Variants in SLC12A1 observed in about 807,000 individuals in gnomAD.
SLC12A1 encodes Na-K-2Cl cotransporter.
Under a neutral mutation model 130.4 loss-of-function variants are expected in SLC12A1, and 89 were observed. That is an observed-to-expected ratio of 0.68 (90% CI 0.58 to 0.81). The LOEUF is 0.81. Ranked by LOEUF, SLC12A1 falls within the 40% of genes least tolerant of loss-of-function variation. The pLI, the probability that SLC12A1 is intolerant of heterozygous loss-of-function variation, is 0.00. For synonymous variants in SLC12A1, 499 were observed against 460.0 expected (o/e 1.08, Z -1.09); for missense variants, 1,310 against 1,336.4 (o/e 0.98, Z 0.31).
At chr15:48,234,331 T>G (rs985415059) in intron 8 of SLC12A1, among the ~76,000 whole-genome samples, 2 of 152,194 alleles carry the variant, frequency 1.3e-5, no homozygotes, top group Admixed American at 6.5e-5. Context: ...CAAAAATTGA[T>G]TTTTCAGAGC....
intron 2 of SLC12A1, among the ~76,000 whole-genome samples, chr15:48,216,453 A>C (rs1263887372): frequency 6.6e-6 from 1 of 152,214 alleles, no homozygotes; most frequent in Non-Finnish European, 1.5e-5. Context: ...GGAGTTTATC[A>C]GCTAGCAGAG....
At chr15:48,272,730 TA>T (rs1413469170) in intron 19 of SLC12A1, among the ~76,000 whole-genome samples, 1 of 152,132 alleles carries the variant, frequency 6.6e-6, no homozygotes, top group Non-Finnish European at 1.5e-5. Context: ...CCCAGCCAAG[TA>T]TGGTTTAATT....
chr15:48,242,862 T>G (rs2041533495), intron 10 of SLC12A1, among the ~76,000 whole-genome samples: 1 of 152,192 alleles, frequency 6.6e-6, no homozygotes, highest in Admixed American at 6.5e-5. Flanking sequence ...TAGTTACATG[T>G]AAAGAGATTT....
At chr15:48,231,544 C>G (rs531076199) in intron 7 of SLC12A1, among the ~76,000 whole-genome samples, 4 of 151,816 alleles carry the variant, frequency 2.6e-5, no homozygotes, top group East Asian at 1.9e-4. Flanking sequence ...ATCTCTGCAG[C>G]CTTTAGTAAA....
chr15:48,264,527 TA>T (rs1394585162), intron 17 of SLC12A1, among the ~76,000 whole-genome samples: 2 of 152,212 alleles, frequency 1.3e-5, no homozygotes, highest in South Asian at 2.1e-4. Flanking sequence ...AGATGCATCT[TA>T]TTTTTTTTAT....
At chr15:48,230,996 A>G (rs2041369328) in intron 7 of SLC12A1, among the ~76,000 whole-genome samples, 1 of 152,240 alleles carries the variant, frequency 6.6e-6, no homozygotes, top group African/African-American at 2.4e-5. Flanking sequence ...TAGTGATAAA[A>G]TGGATAGTAA....
chr15:48,302,707 T>C, intron 26 of SLC12A1, 43 bp from the exon 27 acceptor site: 1 of 1,535,544 alleles, frequency 6.5e-7, no homozygotes, highest in Non-Finnish European at 8.9e-7. Flanking sequence ...CTACCTATAG[T>C]AATTTTCACT....
intron 2 of SLC12A1, among the ~76,000 whole-genome samples, chr15:48,214,667 G>C (rs1279187886): frequency 1.3e-5 from 2 of 152,140 alleles, no homozygotes; most frequent in Non-Finnish European, 2.9e-5. Flanking sequence ...ATGGAAATAT[G>C]GTTAGAATCA....
At chr15:48,239,605 G>C (rs1415878481) in intron 9 of SLC12A1, among the ~76,000 whole-genome samples, 1 of 152,006 alleles carries the variant, frequency 6.6e-6, no homozygotes, top group East Asian at 1.9e-4. Context: ...CCATTTGAGA[G>C]CTTGTAGCAG....
intron 2 of SLC12A1, among the ~76,000 whole-genome samples, chr15:48,212,472 G>A (rs557506227): frequency 3.9e-5 from 6 of 152,126 alleles, no homozygotes; most frequent in South Asian, 2.1e-4. Context: ...AGATCTTTCC[G>A]TATTAAAGCA....
At chr15:48,213,968 G>A (rs564180706) in intron 2 of SLC12A1, among the ~76,000 whole-genome samples, 25 of 152,238 alleles carry the variant, frequency 1.6e-4, no homozygotes, top group Admixed American at 6.5e-4. Context: ...AAAAATGTAC[G>A]AATGTTTTCT....
intron 9 of SLC12A1, among the ~76,000 whole-genome samples, chr15:48,240,030 C>CAT (rs796802835): frequency 9.3e-3 from 122 of 13,096 alleles, no homozygotes; most frequent in South Asian, 0.019. Flanking sequence ...TATATATATC[C>CAT]ATATATATAT....
intron 15 of SLC12A1, among the ~76,000 whole-genome samples, chr15:48,254,881 G>A (rs1353755373): frequency 2.0e-5 from 3 of 151,976 alleles, no homozygotes; most frequent in African/African-American, 4.8e-5. Flanking sequence ...CCCAGATCGC[G>A]CCACTGCACT....
intron 2 of SLC12A1, among the ~76,000 whole-genome samples, chr15:48,219,970 G>A (rs1200566033): frequency 2.6e-5 from 4 of 151,822 alleles, no homozygotes; most frequent in Non-Finnish European, 5.9e-5. Flanking sequence ...TTAGCTGAGT[G>A]TGGTGGTGTG....
At chr15:48,242,085 T>C (rs1461458297) in intron 10 of SLC12A1, among the ~76,000 whole-genome samples, 1 of 152,226 alleles carries the variant, frequency 6.6e-6, no homozygotes, top group East Asian at 1.9e-4. Context: ...CTGTCACCAA[T>C]TGGCAGGATA....
chr15:48,246,769 G>C (rs1245372790), intron 11 of SLC12A1, 140 bp from the exon 12 acceptor site: 4 of 711,366 alleles, frequency 5.6e-6, no homozygotes, highest in Non-Finnish European at 1.0e-5. Context: ...GATAGAGCGA[G>C]ACTGTCTCAA....
chr15:48,269,884 C>A, intron 19 of SLC12A1, 120 bp downstream of exon 19: 1 of 490,486 alleles, frequency 2.0e-6, no homozygotes, highest in Non-Finnish European at 3.7e-6. Flanking sequence ...AGTACATTCC[C>A]CTGGTACTCT....
At chr15:48,231,651 T>A (rs980881086) in intron 7 of SLC12A1, among the ~76,000 whole-genome samples, 1 of 152,208 alleles carries the variant, frequency 6.6e-6, no homozygotes, top group Non-Finnish European at 1.5e-5. Flanking sequence ...GTGGTATTAT[T>A]TACCTAAAAG....
chr15:48,227,735 G>A (rs12907018), intron 5 of SLC12A1: 40,596 of 153,042 alleles, frequency 0.27, 8,657 homozygotes, highest in East Asian at 0.75. Flanking sequence ...TTGTTGTTCT[G>A]TCTTCCTTTG....
Sources: gnomAD v4.1 joint callset for allele counts (sites outside exome capture counted in the v4.1 genomes callset) on GRCh38, gnomAD v4.1.1 for gene constraint, MANE v1.5 for transcripts, NCBI Gene and HGNC (gene_info 2026-07-23, HGNC 2026-07-21) for gene names.